LARS2: variants seen among roughly 807,000 people sequenced by gnomAD.
LARS2 encodes leucine--tRNA ligase, mitochondrial.
LARS2 carries 81 observed loss-of-function variants against 116.6 expected under a neutral mutation model. The observed-to-expected ratio is 0.69, with a 90% CI of 0.58 to 0.84. The LOEUF (loss-of-function observed/expected upper bound fraction) is 0.84. Ranked by LOEUF, LARS2 falls within the 40% of genes least tolerant of loss-of-function variation. The probability of loss-of-function intolerance (pLI) is 0.00; values close to 1 mark genes in which losing one functional copy is unlikely to be tolerated. For synonymous variants in LARS2, 396 were observed against 407.2 expected (o/e 0.97, Z 0.33); for missense variants, 968 against 1,114.5 (o/e 0.87, Z 1.87).
intron 15 of LARS2, among the ~76,000 whole-genome samples, chr3:45,502,413 G>C (rs999519667): frequency 6.6e-6 from 1 of 151,838 alleles, no homozygotes; most frequent in African/African-American, 2.4e-5. Context: ...TTTCCTTTAT[G>C]GCTACTGCTT....
At chr3:45,518,330 C>G (rs1327853579) in intron 18 of LARS2, among the ~76,000 whole-genome samples, 2 of 152,158 alleles carry the variant, frequency 1.3e-5, no homozygotes, top group African/African-American at 2.4e-5. Context: ...TCACATTTGT[C>G]CATCCTGGGT....
chr3:45,545,900 G>C (rs1489311825), intron 21 of LARS2, among the ~76,000 whole-genome samples: 1 of 151,670 alleles, frequency 6.6e-6, no homozygotes, highest in Non-Finnish European at 1.5e-5. Flanking sequence ...GTGCAGCTTA[G>C]TGAGCTGGTC....
chr3:45,396,137 T>C (rs1305211035), intron 3 of LARS2, among the ~76,000 whole-genome samples: 1 of 152,232 alleles, frequency 6.6e-6, no homozygotes, highest in Non-Finnish European at 1.5e-5. Context: ...AAGCATACAG[T>C]TTTTTAAAAT....
At chr3:45,394,376 T>C (rs1698007985) in intron 2 of LARS2, 57 bp from the exon 3 acceptor site, 2 of 934,644 alleles carry the variant, frequency 2.1e-6, no homozygotes, top group Non-Finnish European at 3.4e-6. Context: ...AATGGAAAGA[T>C]AAGCTCTGGG....
intron 1 of LARS2, among the ~76,000 whole-genome samples, chr3:45,391,191 A>G (rs1697940350): frequency 6.6e-6 from 1 of 152,094 alleles, no homozygotes; most frequent in African/African-American, 2.4e-5. Context: ...GATTTATTAA[A>G]TATTCATCTG....
At chr3:45,420,110 CTTTTG>C (rs1331629569) in intron 6 of LARS2, among the ~76,000 whole-genome samples, 2 of 152,096 alleles carry the variant, frequency 1.3e-5, no homozygotes, top group East Asian at 1.9e-4. Flanking sequence ...ATTTATTTAC[CTTTTG>C]TTTTAAGTTC....
At chr3:45,455,136 T>TG (rs1559474672) in intron 7 of LARS2, among the ~76,000 whole-genome samples, 1 of 152,030 alleles carries the variant, frequency 6.6e-6, no homozygotes, top group Non-Finnish European at 1.5e-5. Context: ...TTTTTTTTTT[T>TG]TTTGTCTTTC....
At chr3:45,442,552 T>G (rs1196076630) in intron 6 of LARS2, among the ~76,000 whole-genome samples, 1 of 152,188 alleles carries the variant, frequency 6.6e-6, no homozygotes, top group Non-Finnish European at 1.5e-5. Flanking sequence ...AACCACTTAT[T>G]ACCAGTGAAT....
intron 12 of LARS2, 132 bp downstream of exon 12, chr3:45,488,944 A>G (rs1699865318): frequency 1.0e-5 from 7 of 684,336 alleles, no homozygotes; most frequent in Non-Finnish European, 1.9e-5. Context: ...CCTCATATCT[A>G]TCAGAACAAA....
chr3:45,517,163 A>C (rs1274501058), intron 17 of LARS2, among the ~76,000 whole-genome samples: 1 of 152,236 alleles, frequency 6.6e-6, no homozygotes, highest in Non-Finnish European at 1.5e-5. Context: ...AAGCACAGAC[A>C]GGTGGAGGTT....
At chr3:45,415,269 C>T (rs1391981933) in intron 4 of LARS2, among the ~76,000 whole-genome samples, 2 of 152,118 alleles carry the variant, frequency 1.3e-5, no homozygotes, top group African/African-American at 4.8e-5. Context: ...TTTGTGATTC[C>T]TTGTTCTTTG....
chr3:45,450,034 A>T (rs370572609), intron 7 of LARS2, among the ~76,000 whole-genome samples: 9 of 152,338 alleles, frequency 5.9e-5, no homozygotes, highest in African/African-American at 2.2e-4. Context: ...TCACCTTTTG[A>T]AAAACATTTT....
At chr3:45,412,862 T>G (rs944177076) in intron 4 of LARS2, among the ~76,000 whole-genome samples, 1 of 152,248 alleles carries the variant, frequency 6.6e-6, no homozygotes, top group Non-Finnish European at 1.5e-5. Context: ...CAAAGTCTAC[T>G]GTAGGGCAGA....
chr3:45,532,766 T>C, intron 20 of LARS2, among the ~76,000 whole-genome samples: 1 of 152,088 alleles, frequency 6.6e-6, no homozygotes, highest in East Asian at 1.9e-4. Context: ...CTTAGCCTCC[T>C]GAGCAGCTGG....
At chr3:45,427,570 A>T (rs1698614654) in intron 6 of LARS2, among the ~76,000 whole-genome samples, 1 of 152,244 alleles carries the variant, frequency 6.6e-6, no homozygotes, top group Admixed American at 6.5e-5. Flanking sequence ...TTGCAAATAC[A>T]AGACTTACTT....
In LARS2 at chr3:45,470,596, G is replaced by A. The variant is rs986394004; in HGVS notation, c.751-3647G>A. Among the ~76,000 whole-genome samples, 5 of 152,234 alleles carry A rather than the reference G, an allele frequency of 3.3e-5. No individual in the cohort carries two copies. In the South Asian group the frequency reaches 6.2e-4, roughly 19 times the overall value. On this transcript the variant is annotated intron_variant, in intron 8 of 21. Transcript: ENST00000645846. ...ACATTACTTCTATATAGGCCAAATG[G>A]CAACCACAGGGAAACTTTATAATCA...
chr3:45,433,371 T>G (rs1287331899), intron 6 of LARS2, among the ~76,000 whole-genome samples: 1 of 152,106 alleles, frequency 6.6e-6, no homozygotes, highest in African/African-American at 2.4e-5. Flanking sequence ...TTTTTAGAAT[T>G]CCATTTTGAT....
chr3:45,401,229 AC>A (rs1698143251), intron 4 of LARS2, among the ~76,000 whole-genome samples: 2 of 152,114 alleles, frequency 1.3e-5, no homozygotes, highest in South Asian at 4.1e-4. Context: ...TGGTCTGGGC[AC>A]CTGGCTCATG....
At chr3:45,506,418 C>T (rs764715512) in intron 15 of LARS2, among the ~76,000 whole-genome samples, 1 of 152,054 alleles carries the variant, frequency 6.6e-6, no homozygotes, top group Non-Finnish European at 1.5e-5. Flanking sequence ...TTGAGAGCCT[C>T]CAAACAACTT....
Sources: gnomAD v4.1 joint callset for allele counts (sites outside exome capture counted in the v4.1 genomes callset) on GRCh38, gnomAD v4.1.1 for gene constraint, MANE v1.5 for transcripts, NCBI Gene and HGNC (gene_info 2026-07-23, HGNC 2026-07-21) for gene names.